SPHKAP: variants seen among roughly 807,000 people sequenced by gnomAD.
SPHKAP encodes the protein SPHK1 interactor, AKAP domain containing.
A neutral mutation model predicts 137.5 loss-of-function variants in SPHKAP; 67 were observed. That is an observed-to-expected ratio of 0.49 (90% CI 0.40 to 0.60). The LOEUF is 0.60. Ranked by LOEUF, SPHKAP falls within the 20% of genes least tolerant of loss-of-function variation. The pLI, the probability that SPHKAP is intolerant of heterozygous loss-of-function variation, is 0.00. For missense variants in SPHKAP, 2,097 were observed against 2,069.3 expected, an observed-to-expected ratio of 1.01 and a Z score of -0.26; for synonymous variants, 813 against 785.3, an observed-to-expected ratio of 1.04 and a Z score of -0.59.
At chr2:227,998,850 T>C (rs965697868) in intron 7 of SPHKAP, among the ~76,000 whole-genome samples, 3 of 152,164 alleles carry the variant, frequency 2.0e-5, no homozygotes, top group African/African-American at 7.2e-5. Context: ...TGGGTATGCA[T>C]ATATTTCTGC....
chr2:228,051,831 C>T (rs779371046), intron 3 of SPHKAP, among the ~76,000 whole-genome samples: 5 of 152,170 alleles, frequency 3.3e-5, no homozygotes, highest in Non-Finnish European at 7.3e-5. Context: ...CTCATAAATG[C>T]CTTCTTGCTT....
At chr2:228,179,546 A>G (rs1453699786) in intron 1 of SPHKAP, among the ~76,000 whole-genome samples, 1 of 152,208 alleles carries the variant, frequency 6.6e-6, no homozygotes, top group Non-Finnish European at 1.5e-5. Flanking sequence ...TGCTAATAAA[A>G]TACCCGAAAT....
At chr2:228,138,379 T>A (rs1181292201) in intron 1 of SPHKAP, among the ~76,000 whole-genome samples, 1 of 152,254 alleles carries the variant, frequency 6.6e-6, no homozygotes, top group Non-Finnish European at 1.5e-5. Flanking sequence ...AAATCTGTTT[T>A]AACAATTTAA....
chr2:227,994,714 G>A (rs1693561025), intron 8 of SPHKAP, among the ~76,000 whole-genome samples: 1 of 152,170 alleles, frequency 6.6e-6, no homozygotes, highest in Non-Finnish European at 1.5e-5. Context: ...AAAGATTCGA[G>A]TTCTCTTTGC....
rs776424050 is a variant in SPHKAP at position 228,025,522 on chromosome 2, C to A, written c.313G>T (p.Val105Phe). The A allele has an allele frequency of 2.5e-6, 4 of 1,613,502 alleles. No homozygotes were observed. The South Asian group carries it at 3.3e-5, about 13-fold the overall frequency. The change falls in exon 5 of 12, where the codon GTC (valine) becomes TTC (phenylalanine). Residue 105 changes from valine to phenylalanine, a missense_variant. Val to Phe is a conservative substitution (Grantham distance 50). Coordinates refer to ENST00000392056, the MANE Select transcript of SPHKAP (RefSeq NM_001142644.2). ...TTTGGAAGATCTGGTGAAACGTTGA[C>A]CAGTTTCTGTAAAGCAAGAATCTTT... ...CSTEHLQQKLVNVSPDLPKLI... is the reference protein window; with the variant it reads ...CSTEHLQQKLFNVSPDLPKLI...
Position 228,042,807 on chromosome 2 carries a change from A to G in SPHKAP, c.247-15264T>C, listed in dbSNP as rs1442488744. Among the ~76,000 whole-genome samples, 3 of 152,158 alleles carry G rather than the reference A, an allele frequency of 2.0e-5. No homozygotes were observed. In the East Asian group the frequency reaches 5.8e-4, roughly 29 times the overall value. On this transcript the variant is annotated intron_variant, in intron 3 of 11. Coordinates refer to ENST00000392056, the MANE Select transcript of SPHKAP (RefSeq NM_001142644.2). ...ATTAAATTGCCTTTTCTAAACCTTT[A>G]TTACTTATGTATAAGAACCAAATGT...
Position 228,018,781 on chromosome 2 carries a change from G to T in SPHKAP, c.2073C>A (p.Asp691Glu), listed in dbSNP as rs202062274. Residue 691 changes from aspartate to glutamate, a missense_variant, in exon 7 of 12, where the codon GAC becomes GAA. Asp to Glu is a conservative substitution (Grantham distance 45). Transcript: ENST00000392056. ...CAGATGAATGCCTGTTGTCATTGGG[G>T]TCGATTATCATATTTTTGTGGTGAA... ...DEVHHKNMIIDPNDNRHSSEI... is the reference protein window; with the variant it reads ...DEVHHKNMIIEPNDNRHSSEI... 157 of 1,614,032 alleles carry T rather than the reference G, an allele frequency of 9.7e-5. No individual in the cohort carries two copies. The highest frequency in any genetic ancestry group is 1.3e-4 in the Non-Finnish European group (153 of 1,180,020).
In SPHKAP at chr2:227,982,156, T is replaced by A. The variant is rs1038275671; in HGVS notation, c.4960-296A>T. 4 of 985,102 alleles carry A rather than the reference T, an allele frequency of 4.1e-6. No homozygotes were observed. In the African/African-American group the frequency reaches 7.0e-5, roughly 17 times the overall value. 61.0% of individuals were successfully genotyped at this position (985,102 alleles called of 1,614,324 possible). On this transcript the variant is annotated intron_variant, in intron 11 of 11. Coordinates refer to ENST00000392056, the MANE Select transcript of SPHKAP (RefSeq NM_001142644.2). ...TTTTAAGAGCCAGTCTTTTAGATAT[T>A]TAGTGTTTTCTTGGGTCTGCTTTTT...
At chr2:228,102,747 T>C (rs1177239408) in intron 3 of SPHKAP, among the ~76,000 whole-genome samples, 5 of 152,130 alleles carry the variant, frequency 3.3e-5, no homozygotes, top group African/African-American at 1.2e-4. Flanking sequence ...TTTTTTTTGT[T>C]GTTTGTTTGT....
chr2:228,097,810 G>A (rs1698035330), intron 3 of SPHKAP, among the ~76,000 whole-genome samples: 1 of 152,136 alleles, frequency 6.6e-6, no homozygotes, highest in African/African-American at 2.4e-5. Context: ...CAAAGAACAT[G>A]ATTTTATTCC....
intron 2 of SPHKAP, 169 bp downstream of exon 2, chr2:228,131,811 T>C: frequency 3.1e-6 from 3 of 982,968 alleles, no homozygotes; most frequent in Non-Finnish European, 3.6e-6. Flanking sequence ...ATCATTTCCA[T>C]GAATTAAAAT....
At chr2:227,990,463 T>C (rs774674575) in intron 11 of SPHKAP, among the ~76,000 whole-genome samples, 45 of 152,194 alleles carry the variant, frequency 3.0e-4, no homozygotes, top group Non-Finnish European at 4.3e-4. Context: ...CTTAGAGATA[T>C]AGAATTAGAG....
chr2:228,003,671 C>A (rs1007251290), intron 7 of SPHKAP, among the ~76,000 whole-genome samples: 1 of 152,170 alleles, frequency 6.6e-6, no homozygotes, highest in African/African-American at 2.4e-5. Flanking sequence ...CCAGTTTTTG[C>A]CCATTCAGTA....
intron 3 of SPHKAP, among the ~76,000 whole-genome samples, chr2:228,106,701 A>G (rs898490981): frequency 2.6e-5 from 4 of 151,970 alleles, no homozygotes; most frequent in Non-Finnish European, 5.9e-5. Flanking sequence ...CTAGTCCATC[A>G]CCTCTGTGGT....
At chr2:228,040,778 C>G (rs1695806682) in intron 3 of SPHKAP, among the ~76,000 whole-genome samples, 1 of 152,028 alleles carries the variant, frequency 6.6e-6, no homozygotes. Context: ...AGATAATTGT[C>G]TATTTTGCCA....
intron 3 of SPHKAP, chr2:228,027,907 A>C (rs1016709258): frequency 1.3e-5 from 8 of 612,578 alleles, no homozygotes; most frequent in African/African-American, 6.2e-5. Context: ...CGGAGGTTGC[A>C]GTGAGCCGAG....
At chr2:228,168,880 TAA>T (rs1454566482) in intron 1 of SPHKAP, among the ~76,000 whole-genome samples, 1 of 152,024 alleles carries the variant, frequency 6.6e-6, no homozygotes, top group African/African-American at 2.4e-5. Context: ...TGAAGGAAAT[TAA>T]AAGTGATAAT....
At chr2:228,002,650 T>C (rs994921890) in intron 7 of SPHKAP, among the ~76,000 whole-genome samples, 3 of 152,224 alleles carry the variant, frequency 2.0e-5, no homozygotes, top group Non-Finnish European at 4.4e-5. Context: ...CCCATGCCTA[T>C]GTCCTGAATG....
chr2:228,034,151 AAAG>A (rs1480840131), intron 3 of SPHKAP, among the ~76,000 whole-genome samples: 1 of 152,144 alleles, frequency 6.6e-6, no homozygotes, highest in African/African-American at 2.4e-5. Flanking sequence ...ATAAAGAAGA[AAAG>A]AGAGAAGAAT....
Sources: allele counts gnomAD v4.1 joint callset (sites outside exome capture counted in the v4.1 genomes callset), GRCh38; gene constraint gnomAD v4.1.1; transcripts MANE v1.5; gene names NCBI Gene and HGNC (gene_info 2026-07-23, HGNC 2026-07-21).